The following SDK1 variants were observed in gnomAD, a reference collection of about 807,000 sequenced individuals.
SDK1 encodes the protein sidekick cell adhesion molecule 1.
In SDK1, 157 loss-of-function variants were observed where a neutral mutation model predicts 245.5. The ratio of observed to expected loss-of-function variants is 0.64; its 90% confidence interval spans 0.56 to 0.73. SDK1 has a LOEUF of 0.73. Among genes scored for constraint, SDK1 ranks in the 30% least tolerant of loss-of-function variants. The probability of loss-of-function intolerance (pLI) is 0.00; values close to 1 mark genes in which losing one functional copy is unlikely to be tolerated. For missense variants in SDK1, 3,583 were observed against 3,002.3 expected (o/e 1.19, Z -4.52); for synonymous variants, 1,647 against 1,278.5 (o/e 1.29, Z -6.15).
intron 1 of SDK1, among the ~76,000 whole-genome samples, chr7:3,323,946 T>A (rs1233054403): frequency 6.6e-6 from 1 of 152,216 alleles, no homozygotes; most frequent in African/African-American, 2.4e-5. Flanking sequence ...GCAGGGTTTC[T>A]ATTACCTATG....
At chr7:3,913,207 C>G (rs560560384) in intron 5 of SDK1, among the ~76,000 whole-genome samples, 1 of 152,100 alleles carries the variant, frequency 6.6e-6, no homozygotes, top group Non-Finnish European at 1.5e-5. Flanking sequence ...TCGCGCTAAG[C>G]GTACCTGGTT....
rs767956862 is a variant in SDK1 at position 4,208,188 on chromosome 7, G to T, written c.5304G>T (p.Leu1768=). 1 of 1,612,236 alleles carries T rather than the reference G, an allele frequency of 6.2e-7. No individual in the cohort carries two copies. Among genetic ancestry groups the T allele is most frequent in the South Asian group, 1.1e-5 (1 of 91,014 alleles). ...AGCCCGTGGTGAGGCTGAAGAACCT[G>T]ACCAGCCATACCAAGTACCTGGTCA... The part of the protein sequence containing the change: ...LPEPVVRLKN[L]TSHTKYLVSI... The change falls in exon 37 of 45, where the codon CTG becomes CTT. Residue 1768 remains leucine (L), a synonymous_variant. Coordinates refer to ENST00000404826, the MANE Select transcript of SDK1 (RefSeq NM_152744.4).
At chr7:3,410,445 T>G (rs1413784149) in intron 1 of SDK1, among the ~76,000 whole-genome samples, 1 of 152,126 alleles carries the variant, frequency 6.6e-6, no homozygotes, top group East Asian at 1.9e-4. Flanking sequence ...AATCAATCAC[T>G]TCTGGTTTGA....
intron 1 of SDK1, among the ~76,000 whole-genome samples, chr7:3,524,996 A>G (rs1783072974): frequency 1.3e-5 from 2 of 152,214 alleles, no homozygotes; most frequent in South Asian, 4.1e-4. Context: ...TGGATCAGAA[A>G]TAGGTGGAAA....
intron 4 of SDK1, among the ~76,000 whole-genome samples, chr7:3,744,250 T>C (rs1779554817): frequency 6.6e-6 from 1 of 151,616 alleles, no homozygotes; most frequent in Admixed American, 6.6e-5. Context: ...CCCCCATCTC[T>C]CCAATTACTG....
At chr7:3,947,095 A>G (rs1470625337) in intron 5 of SDK1, among the ~76,000 whole-genome samples, 1 of 152,158 alleles carries the variant, frequency 6.6e-6, no homozygotes, top group Non-Finnish European at 1.5e-5. Context: ...TATAGTCCAA[A>G]CAGTATGTGT....
At chr7:4,091,101 A>C (rs927657345) in intron 22 of SDK1, among the ~76,000 whole-genome samples, 1 of 152,164 alleles carries the variant, frequency 6.6e-6, no homozygotes, top group African/African-American at 2.4e-5. Flanking sequence ...AAATTTTTGC[A>C]TATAAACTGA....
intron 1 of SDK1, among the ~76,000 whole-genome samples, chr7:3,419,212 C>A (rs1161196278): frequency 2.0e-5 from 3 of 152,302 alleles, no homozygotes; most frequent in African/African-American, 7.2e-5. Flanking sequence ...AGAGGAGGAA[C>A]CTGAAGCTCA....
At chr7:3,915,146 T>A (rs1779325120) in intron 5 of SDK1, among the ~76,000 whole-genome samples, 1 of 152,226 alleles carries the variant, frequency 6.6e-6, no homozygotes, top group African/African-American at 2.4e-5. Flanking sequence ...TAACAGGGTC[T>A]ACATGCAAAT....
intron 4 of SDK1, among the ~76,000 whole-genome samples, chr7:3,729,690 C>T (rs1359393717): frequency 3.3e-5 from 5 of 152,184 alleles, no homozygotes; most frequent in African/African-American, 9.7e-5. Flanking sequence ...AGAACATCTG[C>T]GGCCCTAGGT....
At chr7:3,403,864 TATATA>T (rs1457593386) in intron 1 of SDK1, among the ~76,000 whole-genome samples, 11 of 116,358 alleles carry the variant, frequency 9.5e-5, no homozygotes, top group Non-Finnish European at 1.4e-4. Context: ...TATATATATA[TATATA>T]ATATATATAT....
intron 1 of SDK1, 93 bp downstream of exon 1, chr7:3,301,977 T>G: frequency 8.4e-6 from 8 of 948,346 alleles, no homozygotes; most frequent in Admixed American, 5.8e-5. Context: ...GTCCCCCCGC[T>G]TCCCGGCCCG....
intron 4 of SDK1, among the ~76,000 whole-genome samples, chr7:3,774,802 TA>T (rs1395066444): frequency 6.6e-6 from 1 of 152,220 alleles, no homozygotes; most frequent in Non-Finnish European, 1.5e-5. Flanking sequence ...TGTCCAGCCT[TA>T]TAAATTTTTG....
At chr7:3,735,672 A>G (rs1421460151) in intron 4 of SDK1, among the ~76,000 whole-genome samples, 3 of 152,298 alleles carry the variant, frequency 2.0e-5, no homozygotes, top group African/African-American at 7.2e-5. Flanking sequence ...ATTCGTTTAG[A>G]TAGATACTGA....
chr7:3,619,709 T>C (rs1003674852), intron 2 of SDK1, among the ~76,000 whole-genome samples: 1 of 152,204 alleles, frequency 6.6e-6, no homozygotes, highest in Non-Finnish European at 1.5e-5. Context: ...AGAATGGGCA[T>C]GCATACAGCC....
intron 4 of SDK1, among the ~76,000 whole-genome samples, chr7:3,758,829 A>T (rs889101977): frequency 6.6e-6 from 1 of 152,214 alleles, no homozygotes. Flanking sequence ...CCCAGCTAGG[A>T]AACAGGTATA....
intron 5 of SDK1, among the ~76,000 whole-genome samples, chr7:3,864,562 GACA>G (rs1233555329): frequency 6.6e-6 from 1 of 152,174 alleles, no homozygotes; most frequent in African/African-American, 2.4e-5. Context: ...TAGGTTTCCA[GACA>G]ACAAAACCAG....
intron 5 of SDK1, among the ~76,000 whole-genome samples, chr7:3,850,957 T>A (rs1052476910): frequency 6.6e-6 from 1 of 152,052 alleles, no homozygotes; most frequent in Middle Eastern, 3.2e-3. Flanking sequence ...TGTATACATA[T>A]GTAACAAACC....
rs763633913 is a variant in SDK1 at position 4,130,087 on chromosome 7, C to T, written c.4119C>T (p.Thr1373=). ...VPSTPLILER[T]KDDAPGPPVR... Reference sequence around the variant, plus strand: ...GCACGCCCCTCATCCTGGAGCGCACCAAAGACGATGGTAGGTCCAGGGTTC... The same window carrying T: ...GCACGCCCCTCATCCTGGAGCGCACTAAAGACGATGGTAGGTCCAGGGTTC... Residue 1373 remains threonine, a synonymous_variant, in exon 27 of 45, where the codon ACC becomes ACT. Transcript: ENST00000404826. 5.0e-6 allele frequency: 8 copies of T among 1,602,616 alleles called. No individual in the cohort carries two copies. In the South Asian group the frequency reaches 8.9e-5, roughly 18 times the overall value.
Sources: gnomAD v4.1 joint callset for allele counts (sites outside exome capture counted in the v4.1 genomes callset) on GRCh38, gnomAD v4.1.1 for gene constraint, MANE v1.5 for transcripts, NCBI Gene and HGNC (gene_info 2026-07-23, HGNC 2026-07-21) for gene names.